CLSTN2: variants seen among roughly 807,000 people sequenced by gnomAD.
CLSTN2 encodes the protein calsyntenin-2.
Under a neutral mutation model 101.2 loss-of-function variants are expected in CLSTN2, and 48 were observed. That is an observed-to-expected ratio of 0.47 (90% CI 0.38 to 0.60). The LOEUF (loss-of-function observed/expected upper bound fraction) is 0.60. Ranked by LOEUF, CLSTN2 falls within the 20% of genes least tolerant of loss-of-function variation. The pLI is 0.00. For synonymous variants in CLSTN2, 481 were observed against 463.6 expected, an observed-to-expected ratio of 1.04 and a Z score of -0.48; for missense variants, 1,160 against 1,238.2, an observed-to-expected ratio of 0.94 and a Z score of 0.95.
chr3:139,973,619 C>T (rs1165917935), intron 1 of CLSTN2, among the ~76,000 whole-genome samples: 1 of 152,000 alleles, frequency 6.6e-6, no homozygotes, highest in African/African-American at 2.4e-5. Context: ...TTCTCTCTCT[C>T]TTTGTCCTCT....
intron 1 of CLSTN2, among the ~76,000 whole-genome samples, chr3:140,098,195 A>G (rs577268194): frequency 2.0e-5 from 3 of 152,322 alleles, no homozygotes; most frequent in Admixed American, 6.5e-5. Flanking sequence ...AGCAAACCAC[A>G]GTAAGTATCA....
chr3:140,142,575 G>C (rs1418224018), intron 1 of CLSTN2, among the ~76,000 whole-genome samples: 1 of 152,232 alleles, frequency 6.6e-6, no homozygotes, highest in Non-Finnish European at 1.5e-5. Context: ...TTGTGACTAA[G>C]TTCTGCACCT....
In CLSTN2 at chr3:140,515,816, C is replaced by T. The variant is rs187868096; in HGVS notation, c.1345-16508C>T. 3.8e-4 allele frequency among the ~76,000 whole-genome samples: 58 copies of T among 151,614 alleles called. 1 individual carries two copies. Among genetic ancestry groups the T allele is most frequent in the African/African-American group, 1.3e-3 (54 of 41,432 alleles). On this transcript the variant is annotated intron_variant, in intron 8 of 16. Coordinates refer to ENST00000458420, the MANE Select transcript of CLSTN2 (RefSeq NM_022131.3). Reference sequence around the variant, plus strand: ...CTATCTTGGAGAATGTTCCATGTGCCGATGAGTAGAATGTTCTGTAAATAT... The same window carrying T: ...CTATCTTGGAGAATGTTCCATGTGCTGATGAGTAGAATGTTCTGTAAATAT...
intron 2 of CLSTN2, among the ~76,000 whole-genome samples, chr3:140,235,866 A>G (rs1172400436): frequency 1.3e-5 from 2 of 152,290 alleles, no homozygotes; most frequent in African/African-American, 2.4e-5. Flanking sequence ...AGATAAATAC[A>G]TTGCTTAACA....
intron 2 of CLSTN2, among the ~76,000 whole-genome samples, chr3:140,181,426 G>A (rs918400768): frequency 1.3e-5 from 2 of 152,102 alleles, no homozygotes; most frequent in East Asian, 1.9e-4. Context: ...ATTATAATCT[G>A]TGATTTTTTT....
intron 1 of CLSTN2, among the ~76,000 whole-genome samples, chr3:139,967,492 C>T (rs1469361720): frequency 6.6e-6 from 1 of 152,164 alleles, no homozygotes; most frequent in Admixed American, 6.5e-5. Context: ...ATGGTCATGG[C>T]TGTCACCTAT....
chr3:140,472,272 G>T (rs1456754840), intron 8 of CLSTN2, among the ~76,000 whole-genome samples: 2 of 152,144 alleles, frequency 1.3e-5, no homozygotes, highest in Non-Finnish European at 2.9e-5. Context: ...CAGAGCCTTT[G>T]CTTATCAAGT....
rs145269841 is a variant in CLSTN2, at chr3:140,030,587, T to C, written c.109+95104T>C. 3.9e-4 allele frequency among the ~76,000 whole-genome samples: 59 copies of C among 152,218 alleles called. No homozygotes were observed. In the East Asian group the frequency reaches 0.011, roughly 29 times the overall value. On this transcript the variant is annotated intron_variant, in intron 1 of 16. Transcript: ENST00000458420. ...GGAAGAGAGTGTGGATAATTTGACA[T>C]TCCCTGCTTTTTACCACTGAGGAAA...
chr3:140,246,661 A>C (rs1383455602), intron 2 of CLSTN2, among the ~76,000 whole-genome samples: 3 of 152,210 alleles, frequency 2.0e-5, no homozygotes, highest in African/African-American at 7.2e-5. Flanking sequence ...TTATTTTCTT[A>C]AAGTTTCAAC....
chr3:140,190,184 G>A (rs1010537590), intron 2 of CLSTN2, among the ~76,000 whole-genome samples: 5 of 152,092 alleles, frequency 3.3e-5, no homozygotes, highest in African/African-American at 7.2e-5. Flanking sequence ...TTCAACATAT[G>A]TAATTGCTGG....
At chr3:140,003,541 C>T (rs115014637) in intron 1 of CLSTN2, among the ~76,000 whole-genome samples, 13,436 of 152,142 alleles carry the variant, frequency 0.088, 820 homozygotes, top group Middle Eastern at 0.14. Flanking sequence ...TTTCTGATTG[C>T]TCCAGCTAGG....
chr3:140,207,632 C>T (rs2010800863), intron 2 of CLSTN2, among the ~76,000 whole-genome samples: 1 of 152,136 alleles, frequency 6.6e-6, no homozygotes, highest in Non-Finnish European at 1.5e-5. Flanking sequence ...CAGCTGAGAA[C>T]AGGGTAAATA....
At chr3:139,937,679 G>A (rs1263521103) in intron 1 of CLSTN2, among the ~76,000 whole-genome samples, 1 of 152,056 alleles carries the variant, frequency 6.6e-6, no homozygotes, top group Non-Finnish European at 1.5e-5. Flanking sequence ...GGGAGGCAGA[G>A]GTTTCAATGA....
chr3:140,523,286 C>T (rs1935072423), intron 8 of CLSTN2, among the ~76,000 whole-genome samples: 1 of 152,108 alleles, frequency 6.6e-6, no homozygotes, highest in African/African-American at 2.4e-5. Context: ...ATGCAGACAT[C>T]CCATCTCAAG....
At chr3:140,087,989 G>A (rs780010418) in intron 1 of CLSTN2, among the ~76,000 whole-genome samples, 4 of 152,144 alleles carry the variant, frequency 2.6e-5, no homozygotes, top group African/African-American at 2.4e-5. Flanking sequence ...AAGGAGTCTC[G>A]ATTTTAAGGA....
chr3:140,237,179 T>C (rs181172745), intron 2 of CLSTN2, among the ~76,000 whole-genome samples: 16 of 152,294 alleles, frequency 1.1e-4, no homozygotes, highest in African/African-American at 3.8e-4. Flanking sequence ...TGGAATCAGT[T>C]TGAGCTTTTC....
intron 2 of CLSTN2, among the ~76,000 whole-genome samples, chr3:140,260,158 T>TATATATATATATAAA (rs1559821944): frequency 1.4e-5 from 2 of 146,776 alleles, no homozygotes; most frequent in African/African-American, 5.0e-5. Flanking sequence ...ATATATATAT[T>TATATATATATATAAA]ATATATAAAA....
intron 1 of CLSTN2, among the ~76,000 whole-genome samples, chr3:139,998,435 C>T (rs1210630019): frequency 6.8e-6 from 1 of 147,426 alleles, no homozygotes; most frequent in Admixed American, 6.8e-5. Flanking sequence ...CCCGGGTTCA[C>T]GCCATTCTCC....
At chr3:140,432,852 T>G (rs1356687610) in intron 5 of CLSTN2, among the ~76,000 whole-genome samples, 2 of 152,176 alleles carry the variant, frequency 1.3e-5, no homozygotes, top group Non-Finnish European at 2.9e-5. Flanking sequence ...ATAATAACAG[T>G]AATAATCATT....
Sources: allele counts gnomAD v4.1 joint callset (sites outside exome capture counted in the v4.1 genomes callset), GRCh38; gene constraint gnomAD v4.1.1; transcripts MANE v1.5; gene names NCBI Gene and HGNC (gene_info 2026-07-23, HGNC 2026-07-21).